Variants in HMBOX1 observed in about 807,000 individuals in gnomAD.
HMBOX1 encodes homeobox-containing protein 1.
HMBOX1 carries 14 observed loss-of-function variants against 54.5 expected under a neutral mutation model. The observed-to-expected ratio is 0.26, with a 90% CI of 0.17 to 0.40. HMBOX1 has a LOEUF of 0.40. Among genes scored for constraint, HMBOX1 ranks in the 10% least tolerant of loss-of-function variants. HMBOX1 has a pLI of 1.00. For missense variants in HMBOX1, 332 were observed against 514.4 expected (o/e 0.65, Z 3.43); for synonymous variants, 160 against 181.0 (o/e 0.88, Z 0.93).
chr8:28,944,742 G>C (rs774342435), intron 1 of HMBOX1, among the ~76,000 whole-genome samples: 14 of 152,056 alleles, frequency 9.2e-5, no homozygotes, highest in Non-Finnish European at 2.1e-4. Flanking sequence ...ACAGCTATTA[G>C]GAAGAAAAAG....
At chr8:29,040,026 A>G (rs986511918) in intron 6 of HMBOX1, among the ~76,000 whole-genome samples, 2 of 152,096 alleles carry the variant, frequency 1.3e-5, no homozygotes. Context: ...CTTTACTGTT[A>G]ATGTTGCCTT....
intron 1 of HMBOX1, among the ~76,000 whole-genome samples, chr8:28,911,259 G>A (rs573170088): frequency 6.6e-6 from 1 of 152,204 alleles, no homozygotes; most frequent in African/African-American, 2.4e-5. Context: ...TGGGGGGAGG[G>A]TGCTGTCCTT....
At chr8:29,031,463 AAGATAAATATTG>A (rs1340517173) in intron 6 of HMBOX1, among the ~76,000 whole-genome samples, 2 of 152,198 alleles carry the variant, frequency 1.3e-5, no homozygotes, top group African/African-American at 4.8e-5. Flanking sequence ...TAAATATCCA[AAGATAAATATTG>A]AGAGAAATAA....
chr8:29,023,150 CAAAT>C (rs1801458584), intron 6 of HMBOX1, among the ~76,000 whole-genome samples: 1 of 151,916 alleles, frequency 6.6e-6, no homozygotes, highest in Non-Finnish European at 1.5e-5. Context: ...ACAGATAAAA[CAAAT>C]AGTCATATTA....
intron 1 of HMBOX1, among the ~76,000 whole-genome samples, chr8:28,928,128 C>T (rs554752279): frequency 8.0e-5 from 12 of 150,072 alleles, no homozygotes; most frequent in East Asian, 3.9e-4. Flanking sequence ...ATCAAGACTC[C>T]GTCTCAAAAA....
chr8:29,001,243 G>C (rs1391071081), intron 4 of HMBOX1, among the ~76,000 whole-genome samples: 1 of 152,116 alleles, frequency 6.6e-6, no homozygotes, highest in African/African-American at 2.4e-5. Flanking sequence ...TATACCCAAA[G>C]TTATATTTAA....
At chr8:28,897,722 T>C (rs1203102024) in intron 1 of HMBOX1, among the ~76,000 whole-genome samples, 2 of 152,212 alleles carry the variant, frequency 1.3e-5, no homozygotes, top group South Asian at 4.1e-4. Context: ...AATTCAAGGC[T>C]TACATGGTAT....
In HMBOX1 at chr8:29,052,928, C is replaced by T. The variant is rs1247927839; in HGVS notation, c.*1773C>T. The T allele has an allele frequency of 2.0e-5, 3 of 152,262 alleles. No homozygotes were observed. The highest frequency in any genetic ancestry group is 7.2e-5 in the African/African-American group (3 of 41,444). The allele number at this position is 152,262 out of a possible 1,614,324, so 9.4% of individuals were successfully genotyped here. A position where few individuals can be genotyped will look rare whatever the true frequency, so the allele number is the denominator to read the frequency against. On this transcript the variant is annotated 3_prime_UTR_variant, in exon 10 of 10. Coordinates refer to ENST00000287701, the MANE Select transcript of HMBOX1 (RefSeq NM_001135726.3). ...ATAAAAGGAAGGTGCCATTTCCTTA[C>T]CTCTTCACCCATCCTCCTCCACCAA...
chr8:28,958,248 T>G (rs1417734238), intron 1 of HMBOX1, among the ~76,000 whole-genome samples: 1 of 152,204 alleles, frequency 6.6e-6, no homozygotes, highest in Non-Finnish European at 1.5e-5. Context: ...ATTACAAACG[T>G]GAGCCACTGC....
At chr8:29,011,529 A>G (rs1834218380) in intron 5 of HMBOX1, among the ~76,000 whole-genome samples, 1 of 152,188 alleles carries the variant, frequency 6.6e-6, no homozygotes, top group Non-Finnish European at 1.5e-5. Flanking sequence ...GGTAAGGCCA[A>G]ATTCCCGCAC....
At chr8:28,982,419 G>C (rs752502679) in intron 4 of HMBOX1, among the ~76,000 whole-genome samples, 1 of 151,844 alleles carries the variant, frequency 6.6e-6, no homozygotes, top group African/African-American at 2.4e-5. Context: ...ATGCCATCCC[G>C]TTTTTATTTT....
At chr8:28,988,079 A>C (rs1830420595) in intron 4 of HMBOX1, among the ~76,000 whole-genome samples, 1 of 152,190 alleles carries the variant, frequency 6.6e-6, no homozygotes, top group Non-Finnish European at 1.5e-5. Flanking sequence ...TGTGCAGTCA[A>C]ATATTGTTCT....
At chr8:29,000,889 C>T (rs1273240696) in intron 4 of HMBOX1, among the ~76,000 whole-genome samples, 1 of 152,176 alleles carries the variant, frequency 6.6e-6, no homozygotes, top group East Asian at 1.9e-4. Context: ...TACCAAAATT[C>T]AGCATTTTTT....
intron 1 of HMBOX1, among the ~76,000 whole-genome samples, chr8:28,933,316 G>GT (rs1212200059): frequency 6.6e-6 from 1 of 152,126 alleles, no homozygotes; most frequent in Non-Finnish European, 1.5e-5. Context: ...CTCAAGTTCA[G>GT]TTCCCCCAGT....
Position 28,897,671 on chromosome 8 carries a change from A to G in HMBOX1, c.-58+6993A>G, listed in dbSNP as rs567133861. The stretch of plus-strand genomic sequence containing the variant: ...AGATTGGGCAACAGAGCGAGACTCT[A>G]TCTCAAACAAACAAACAAAAAAAGA... On this transcript the variant is annotated intron_variant, in intron 1 of 9. Coordinates refer to ENST00000287701, the MANE Select transcript of HMBOX1 (RefSeq NM_001135726.3). Among the ~76,000 whole-genome samples, 5 of 152,350 alleles carry G rather than the reference A, an allele frequency of 3.3e-5. No homozygotes were observed. In the South Asian group the frequency reaches 1.0e-3, roughly 32 times the overall value.
chr8:29,029,073 C>G (rs1166201437), intron 6 of HMBOX1, among the ~76,000 whole-genome samples: 1 of 152,018 alleles, frequency 6.6e-6, no homozygotes, highest in African/African-American at 2.4e-5. Context: ...GAAATAACTT[C>G]TAGTAGGATT....
At chr8:28,937,106 G>A (rs1820542459) in intron 1 of HMBOX1, among the ~76,000 whole-genome samples, 1 of 152,190 alleles carries the variant, frequency 6.6e-6, no homozygotes, top group African/African-American at 2.4e-5. Context: ...GAAGATGTGA[G>A]ATTGCTAGTG....
At chr8:28,969,456 G>C (rs1340774045) in intron 2 of HMBOX1, among the ~76,000 whole-genome samples, 3 of 151,764 alleles carry the variant, frequency 2.0e-5, no homozygotes, top group African/African-American at 7.3e-5. Context: ...TGAATGAAAT[G>C]GTGCTTATTT....
chr8:28,907,746 A>G (rs919899246), intron 1 of HMBOX1, among the ~76,000 whole-genome samples: 3 of 152,108 alleles, frequency 2.0e-5, no homozygotes, highest in African/African-American at 7.2e-5. Context: ...TCTTGAGTAT[A>G]TGTGTATCCT....
Sources: allele counts gnomAD v4.1 joint callset (sites outside exome capture counted in the v4.1 genomes callset), GRCh38; gene constraint gnomAD v4.1.1; transcripts MANE v1.5; gene names NCBI Gene and HGNC (gene_info 2026-07-23, HGNC 2026-07-21).